VPS33B: variants seen among roughly 807,000 people sequenced by gnomAD.
VPS33B encodes VPS33B late endosome and lysosome associated, also known as vacuolar protein sorting-associated protein 33B.
A neutral mutation model predicts 95.3 loss-of-function variants in VPS33B; 80 were observed. The observed-to-expected ratio is 0.84, with a 90% CI of 0.70 to 1.01. The LOEUF (loss-of-function observed/expected upper bound fraction) is 1.01, where lower values mean the gene tolerates loss of function less well. Among genes scored for constraint, VPS33B ranks in the 50% least tolerant of loss-of-function variants. The probability of loss-of-function intolerance (pLI) is 0.00; values close to 1 mark genes in which losing one functional copy is unlikely to be tolerated. For synonymous variants in VPS33B, 280 were observed against 280.4 expected (o/e 1.00, Z 0.01); for missense variants, 715 against 773.4 (o/e 0.92, Z 0.90).
rs1374259913 is a variant in VPS33B, at chr15:91,009,572, C to T, written c.403+229G>A. ...TCCACCCCCTCGGCCTCCCAAAGTG[C>T]TGGGATTACAGGCATGAGCCACTGC... On this transcript the variant is annotated intron_variant, in intron 6 of 22. Coordinates refer to ENST00000333371, the MANE Select transcript of VPS33B (RefSeq NM_018668.5). The surrounding 1 kb of genome is among the most constrained non-coding windows in gnomAD (Gnocchi z 4.1). 6.6e-6 allele frequency among the ~76,000 whole-genome samples: 1 copy of T among 152,122 alleles called. No individual in the cohort carries two copies. The highest frequency in any genetic ancestry group is 1.5e-5 in the Non-Finnish European group (1 of 68,030).
intron 6 of VPS33B, 107 bp from the exon 7 acceptor site, chr15:91,008,071 C>T (rs1462901906): frequency 9.2e-6 from 9 of 983,400 alleles, no homozygotes; most frequent in Non-Finnish European, 1.5e-5. Context: ...TATATGAGTG[C>T]CTGCCACATG....
chr15:91,004,900 C>T lies in VPS33B; in HGVS notation c.1202G>A (p.Cys401Tyr), dbSNP rs1418622932. 4 of 1,614,048 alleles carry T rather than the reference C, an allele frequency of 2.5e-6. No homozygotes were observed. The highest frequency in any genetic ancestry group is 2.5e-6 in the Non-Finnish European group (3 of 1,180,048). Residue 401 changes from cysteine to tyrosine, a missense_variant, in exon 16 of 23, where the codon TGC becomes TAC. Physicochemically the swap from Cys to Tyr is radical, Grantham distance 194. Coordinates refer to ENST00000333371, the MANE Select transcript of VPS33B (RefSeq NM_018668.5). ...VSPIESLRLM[C>Y]LLSITENGLI... ...ACCATTCTCAGTGATGGACAAAAGGCACATGAGGCGCAGGCTTTCTATAGG... is the reference window on the plus strand; with the variant it reads ...ACCATTCTCAGTGATGGACAAAAGGTACATGAGGCGCAGGCTTTCTATAGG...
In VPS33B at chr15:91,002,119, G is replaced by T; in HGVS notation, c.1336C>A (p.Gln446Lys). Residue 446 changes from glutamine (Q) to lysine (K), a missense_variant, in exon 18 of 23, where the codon CAG becomes AAG. Transcript: ENST00000333371. This position sits in a 1 kb window ranked among gnomAD's most constrained non-coding sequence, Gnocchi z 4.7. ...NLRRAGLLTE[Q>K]APGDTLTAVE... The stretch of plus-strand genomic sequence containing the variant: ...GCTGTGAGGGTGTCCCCGGGGGCCT[G>T]CTCCGTTAGGAGCCCAGCTCTTCGC... 6.2e-7 allele frequency: 1 copy of T among 1,614,184 alleles called. No homozygotes were observed. Among genetic ancestry groups the T allele is most frequent in the Middle Eastern group, 1.7e-4 (1 of 6,050 alleles).
At chr15:91,008,720 AACTATT>A (rs2040688148) in intron 6 of VPS33B, among the ~76,000 whole-genome samples, 1 of 152,196 alleles carries the variant, frequency 6.6e-6, no homozygotes. Flanking sequence ...TTATGACACA[AACTATT>A]AAATCACGGT....
Position 91,000,053 on chromosome 15 carries a change from G to A in VPS33B, c.1582-78C>T. Reference sequence around the variant, plus strand: ...AAAGGAAGGGCACAGCAGCCAGACTGTCACATTTCTTGCTCATTACTCAAG... The same window carrying A: ...AAAGGAAGGGCACAGCAGCCAGACTATCACATTTCTTGCTCATTACTCAAG... On this transcript the variant is annotated intron_variant, in intron 20 of 22. Coordinates refer to ENST00000333371, the MANE Select transcript of VPS33B (RefSeq NM_018668.5). The surrounding 1 kb of genome is among the most constrained non-coding windows in gnomAD (Gnocchi z 4.9). 7.8e-7 allele frequency: 1 copy of A among 1,274,212 alleles called. No individual in the cohort carries two copies. Among genetic ancestry groups the A allele is most frequent in the South Asian group, 1.7e-5 (1 of 60,444 alleles). 78.9% of individuals were successfully genotyped at this position (1,274,212 alleles called of 1,614,324 possible). A position where few individuals can be genotyped will look rare whatever the true frequency, so the allele number is the denominator to read the frequency against.
chr15:91,017,465 A>G (rs1220215033), intron 2 of VPS33B, among the ~76,000 whole-genome samples: 1 of 144,738 alleles, frequency 6.9e-6, no homozygotes, highest in East Asian at 2.0e-4. Context: ...ATAAATTTAA[A>G]TTTAAAAATT....
In VPS33B at chr15:90,999,183, G is replaced by GC. The variant is rs376088912; in HGVS notation, c.1775-130dup. 1.4e-3 allele frequency: 1,161 copies of GC among 854,228 alleles called. 13 individuals carry two copies. The African/African-American group carries it at 0.016, about 12-fold the overall frequency. The allele number at this position is 854,228 out of a possible 1,614,324, so 52.9% of individuals were successfully genotyped here. ...CCAGTTTATAGACAGAGACGTGAGT[G>GC]CCATGCTCTTGGGCACCACTGCTTT... On this transcript the variant is annotated intron_variant, in intron 22 of 22. Transcript: ENST00000333371. This position sits in a 1 kb window ranked among gnomAD's most constrained non-coding sequence, Gnocchi z 5.1.
In VPS33B at chr15:91,015,199, G is replaced by T. The variant is rs546570008; in HGVS notation, c.240-766C>A. On this transcript the variant is annotated intron_variant, in intron 3 of 22. Coordinates refer to ENST00000333371, the MANE Select transcript of VPS33B (RefSeq NM_018668.5). This position sits in a 1 kb window ranked among gnomAD's most constrained non-coding sequence, Gnocchi z 4.7. ...AAAAATACAAAAATTGGCTGGGCAT[G>T]GTGGCGCATGTCTGTAATCCCAGCT... Among the ~76,000 whole-genome samples the T allele has an allele frequency of 6.6e-6, 1 of 152,228 alleles. No homozygotes were observed. Among genetic ancestry groups the T allele is most frequent in the Admixed American group, 6.5e-5 (1 of 15,282 alleles).
rs8030462 is a variant in VPS33B at position 91,003,953 on chromosome 15, G to A, written c.1226-822C>T. Among the ~76,000 whole-genome samples the A allele has an allele frequency of 6.3e-3, 958 of 152,320 alleles. 16 individuals carry two copies. Among genetic ancestry groups the A allele is most frequent in the African/African-American group, 0.022 (902 of 41,560 alleles). ...AGAAAGCAACCTTTGGCCGGGCACAGTAGCTCACTCCTGTAATCCCAGAAC... is the reference window on the plus strand; with the variant it reads ...AGAAAGCAACCTTTGGCCGGGCACAATAGCTCACTCCTGTAATCCCAGAAC... On this transcript the variant is annotated intron_variant, in intron 16 of 22. Transcript: ENST00000333371.
At position 91,015,088 on chromosome 15, in the gene VPS33B, C is replaced by A. The variant is rs982275920; in HGVS notation, c.240-655G>T. Among the ~76,000 whole-genome samples the A allele has an allele frequency of 6.6e-6, 1 of 151,940 alleles. No individual in the cohort carries two copies. Among genetic ancestry groups the A allele is most frequent in the Non-Finnish European group, 1.5e-5 (1 of 68,010 alleles). ...TGGTGGCTCACACCTGTAATCCCAG[C>A]ACTTTGGGAGGCAGAGGCGGGTGGA... On this transcript the variant is annotated intron_variant, in intron 3 of 22. Transcript: ENST00000333371. This position sits in a 1 kb window ranked among gnomAD's most constrained non-coding sequence, Gnocchi z 4.7.
At position 91,007,448 on chromosome 15, in the gene VPS33B, C is replaced by T. The variant is rs1377499678; in HGVS notation, c.603+21G>A. The T allele has an allele frequency of 8.1e-6, 13 of 1,609,976 alleles. No individual in the cohort carries two copies. In the Admixed American group the frequency reaches 8.3e-5, roughly 10 times the overall value. On this transcript the variant is annotated intron_variant, in intron 8 of 22. Transcript: ENST00000333371. This position sits in a 1 kb window ranked among gnomAD's most constrained non-coding sequence, Gnocchi z 5.3. ...GGGAAAACAGCGTCTGCTGGGACAACAGTACTGCTAGTGCTCTTACCTTGG... is the reference window on the plus strand; with the variant it reads ...GGGAAAACAGCGTCTGCTGGGACAATAGTACTGCTAGTGCTCTTACCTTGG...
rs1378111458 is a variant in VPS33B, at chr15:91,001,303, C to G, written c.1479+86G>C. On this transcript the variant is annotated intron_variant, in intron 19 of 22. Coordinates refer to ENST00000333371, the MANE Select transcript of VPS33B (RefSeq NM_018668.5). ...CCAGCCTGGGCAACAGAGCAAGATT[C>G]CATCTCAAAAAAAAAAAAAAAAAAG... 4 of 1,030,234 alleles carry G rather than the reference C, an allele frequency of 3.9e-6. No individual in the cohort carries two copies. The African/African-American group carries it at 5.2e-5, about 13-fold the overall frequency. The allele number at this position is 1,030,234 out of a possible 1,614,324, so 63.8% of individuals were successfully genotyped here. A position where few individuals can be genotyped will look rare whatever the true frequency, so the allele number is the denominator to read the frequency against.
At position 91,009,413 on chromosome 15, in the gene VPS33B, T is replaced by G. The variant is rs1315271304; in HGVS notation, c.403+388A>C. Among the ~76,000 whole-genome samples the G allele has an allele frequency of 1.3e-5, 2 of 151,994 alleles. No individual in the cohort carries two copies. Among genetic ancestry groups the G allele is most frequent in the African/African-American group, 4.8e-5 (2 of 41,376 alleles). Reference sequence around the variant, plus strand: ...CCTCTGCCTCCCGGGTTCAAGCAATTCTTCTGCCTCAGCCTCCCGAGTAGC... The same window carrying G: ...CCTCTGCCTCCCGGGTTCAAGCAATGCTTCTGCCTCAGCCTCCCGAGTAGC... On this transcript the variant is annotated intron_variant, in intron 6 of 22. Coordinates refer to ENST00000333371, the MANE Select transcript of VPS33B (RefSeq NM_018668.5). This position sits in a 1 kb window ranked among gnomAD's most constrained non-coding sequence, Gnocchi z 4.1.
In VPS33B at chr15:91,002,301, A is replaced by G; in HGVS notation, c.1273-119T>C. 1 of 1,418,996 alleles carries G rather than the reference A, an allele frequency of 7.0e-7. No individual in the cohort carries two copies. The highest frequency in any genetic ancestry group is 9.7e-7 in the Non-Finnish European group (1 of 1,031,740). 87.9% of individuals were successfully genotyped at this position (1,418,996 alleles called of 1,614,324 possible). A position where few individuals can be genotyped will look rare whatever the true frequency, so the allele number is the denominator to read the frequency against. On this transcript the variant is annotated intron_variant, in intron 17 of 22. Transcript: ENST00000333371. The surrounding 1 kb of genome is among the most constrained non-coding windows in gnomAD (Gnocchi z 4.7). ...TCTGCTGCAGTGTGAAGGAGCTCAC[A>G]CTTTGTTGAGATAAATTTTCACATC...
chr15:91,011,946 G>A lies in VPS33B; in HGVS notation c.357+1858C>T, dbSNP rs1206593289. On this transcript the variant is annotated intron_variant, in intron 5 of 22. Transcript: ENST00000333371. This position sits in a 1 kb window ranked among gnomAD's most constrained non-coding sequence, Gnocchi z 5.5. ...GGAGGTTGCAGTGAGTCGAGATTGCGGCACTGCACTCCAGTCTGGGTGACA... is the reference window on the plus strand; with the variant it reads ...GGAGGTTGCAGTGAGTCGAGATTGCAGCACTGCACTCCAGTCTGGGTGACA... 2.0e-5 allele frequency among the ~76,000 whole-genome samples: 3 copies of A among 151,844 alleles called. No homozygotes were observed. The highest frequency in any genetic ancestry group is 2.9e-5 in the Non-Finnish European group (2 of 67,986).
At position 91,007,392 on chromosome 15, in the gene VPS33B, C is replaced by T; in HGVS notation, c.603+77G>A. On this transcript the variant is annotated intron_variant, in intron 8 of 22. Transcript: ENST00000333371. The surrounding 1 kb of genome is among the most constrained non-coding windows in gnomAD (Gnocchi z 5.3). ...AAGAATACACCTCATATCACAGGTGCCCTTGGATAACCCCAGGAGGGTACA... is the reference window on the plus strand; with the variant it reads ...AAGAATACACCTCATATCACAGGTGTCCTTGGATAACCCCAGGAGGGTACA... The T allele has an allele frequency of 1.5e-6, 2 of 1,347,970 alleles. No homozygotes were observed. Among genetic ancestry groups the T allele is most frequent in the Middle Eastern group, 1.8e-4 (1 of 5,562 alleles). The allele number at this position is 1,347,970 out of a possible 1,614,324, so 83.5% of individuals were successfully genotyped here.
At chr15:91,022,063 G>A (rs2041118792) in intron 1 of VPS33B, 91 bp downstream of exon 1, 2 of 1,438,688 alleles carry the variant, frequency 1.4e-6, no homozygotes, top group Non-Finnish European at 9.6e-7. Context: ...CAGGGGCCAA[G>A]AACAAGATCA....
chr15:91,021,859 TG>T (rs2041112023), intron 1 of VPS33B, among the ~76,000 whole-genome samples: 1 of 152,042 alleles, frequency 6.6e-6, no homozygotes, highest in East Asian at 1.9e-4. Context: ...CCTACTGGAG[TG>T]GTAAGATCCC....
Position 91,010,913 on chromosome 15 carries a change from G to A in VPS33B, c.358-1067C>T, listed in dbSNP as rs1354730342. On this transcript the variant is annotated intron_variant, in intron 5 of 22. Coordinates refer to ENST00000333371, the MANE Select transcript of VPS33B (RefSeq NM_018668.5). This position sits in a 1 kb window ranked among gnomAD's most constrained non-coding sequence, Gnocchi z 5.7. ...GGAGACTAGATGAAACGATGAAGGT[G>A]GAGATGAGGAAGCAGAAGCAGTGAC... Among the ~76,000 whole-genome samples the A allele has an allele frequency of 6.6e-6, 1 of 152,170 alleles. No homozygotes were observed. The highest frequency in any genetic ancestry group is 1.5e-5 in the Non-Finnish European group (1 of 68,032).
Sources: allele counts gnomAD v4.1 joint callset (sites outside exome capture counted in the v4.1 genomes callset), GRCh38; gene constraint gnomAD v4.1.1; non-coding constraint Gnocchi (gnomAD v3.1); transcripts MANE v1.5; gene names NCBI Gene and HGNC (gene_info 2026-07-23, HGNC 2026-07-21).